Variants in SGCD observed in about 807,000 individuals in gnomAD.
SGCD encodes the protein sarcoglycan delta.
A neutral mutation model predicts 36.6 loss-of-function variants in SGCD; 18 were observed. The observed-to-expected ratio is 0.49, with a 90% CI of 0.34 to 0.73. The LOEUF (loss-of-function observed/expected upper bound fraction) is 0.73, where lower values mean the gene tolerates loss of function less well. Ranked by LOEUF, SGCD falls within the 30% of genes least tolerant of loss-of-function variation. SGCD has a pLI of 0.01. For synonymous variants in SGCD, 133 were observed against 130.6 expected (o/e 1.02, Z -0.12); for missense variants, 387 against 346.7 (o/e 1.12, Z -0.92).
chr5:156,436,714 A>C (rs551272879), intron 3 of SGCD, among the ~76,000 whole-genome samples: 1 of 152,324 alleles, frequency 6.6e-6, no homozygotes, highest in South Asian at 2.1e-4. Flanking sequence ...TTACCCTGTG[A>C]AGAAGCAAAG....
intron 1 of SGCD, among the ~76,000 whole-genome samples, chr5:155,964,315 C>T (rs922024135): frequency 2.6e-5 from 4 of 152,018 alleles, no homozygotes; most frequent in African/African-American, 7.2e-5. Flanking sequence ...TAACTATACT[C>T]TATATTGTAC....
chr5:156,060,724 G>C (rs1208332719), intron 1 of SGCD, among the ~76,000 whole-genome samples: 1 of 146,048 alleles, frequency 6.8e-6, no homozygotes, highest in Non-Finnish European at 1.5e-5. Flanking sequence ...ATGGCTGTTT[G>C]AATCTTAATA....
chr5:156,635,286 G>A (rs1225441443), intron 6 of SGCD, among the ~76,000 whole-genome samples: 2 of 152,110 alleles, frequency 1.3e-5, no homozygotes, highest in African/African-American at 4.8e-5. Context: ...ATGAAAAAAT[G>A]CACATGATCA....
the SGCD span, among the ~76,000 whole-genome samples, chr5:155,734,481 G>A: frequency 1.3e-4 from 19 of 151,960 alleles, no homozygotes; most frequent in African/African-American, 4.6e-4. Context: ...CAAAGTTTTG[G>A]GATTACAGGT....
chr5:155,804,068 A>G, the SGCD span, among the ~76,000 whole-genome samples: 1 of 152,214 alleles, frequency 6.6e-6, no homozygotes, highest in African/African-American at 2.4e-5. Flanking sequence ...GAGGATTAGA[A>G]ACTCAGGTAG....
intron 1 of SGCD, among the ~76,000 whole-genome samples, chr5:155,952,891 A>AT (rs1385604257): frequency 2.0e-5 from 3 of 152,228 alleles, no homozygotes; most frequent in Non-Finnish European, 2.9e-5. Flanking sequence ...TGGGGCTTTA[A>AT]TTAAATGATT....
At chr5:156,644,234 T>C (rs1210986823) in intron 6 of SGCD, among the ~76,000 whole-genome samples, 1 of 152,190 alleles carries the variant, frequency 6.6e-6, no homozygotes, top group African/African-American at 2.4e-5. Flanking sequence ...TCCTAGTAAT[T>C]TTTGTGTCTA....
At chr5:155,757,021 A>C in the SGCD span, among the ~76,000 whole-genome samples, 2 of 152,292 alleles carry the variant, frequency 1.3e-5, no homozygotes, top group Non-Finnish European at 2.9e-5. Context: ...ATACCAGTCT[A>C]TCAGCTTTGG....
At chr5:156,545,452 C>G (rs764246477) in intron 4 of SGCD, among the ~76,000 whole-genome samples, 1 of 150,758 alleles carries the variant, frequency 6.6e-6, no homozygotes, top group Non-Finnish European at 1.5e-5. Flanking sequence ...TTGTGGAAGA[C>G]AATTTTTTCA....
chr5:156,217,056 G>A (rs759266586), intron 3 of SGCD, among the ~76,000 whole-genome samples: 1 of 151,692 alleles, frequency 6.6e-6, no homozygotes, highest in African/African-American at 2.4e-5. Context: ...CCAGCCTGGG[G>A]GACAGAGTGA....
intron 6 of SGCD, among the ~76,000 whole-genome samples, chr5:156,609,329 G>T (rs1448135424): frequency 6.6e-6 from 1 of 152,100 alleles, no homozygotes; most frequent in Non-Finnish European, 1.5e-5. Context: ...GATATGAGAT[G>T]CTGGGTTGAA....
At chr5:155,800,621 C>T in the SGCD span, among the ~76,000 whole-genome samples, 1 of 151,868 alleles carries the variant, frequency 6.6e-6, no homozygotes, top group Non-Finnish European at 1.5e-5. Flanking sequence ...AGAGATTTTA[C>T]CGGAATGTGG....
intron 1 of SGCD, among the ~76,000 whole-genome samples, chr5:155,898,823 A>T (rs1308447399): frequency 6.6e-6 from 1 of 152,068 alleles, no homozygotes; most frequent in East Asian, 1.9e-4. Context: ...CTCTCTTAAC[A>T]CACTTCTCTC....
intron 3 of SGCD, among the ~76,000 whole-genome samples, chr5:156,316,554 A>G (rs1324798890): frequency 2.6e-5 from 4 of 152,086 alleles, no homozygotes; most frequent in African/African-American, 9.6e-5. Context: ...TTCAAATTAT[A>G]TTGTAAAGAT....
At chr5:156,558,329 A>G (rs1370043947) in intron 4 of SGCD, among the ~76,000 whole-genome samples, 1 of 151,710 alleles carries the variant, frequency 6.6e-6, no homozygotes, top group Non-Finnish European at 1.5e-5. Flanking sequence ...AAATTATATA[A>G]TCCATGCAAA....
intron 4 of SGCD, among the ~76,000 whole-genome samples, chr5:156,553,522 T>G (rs1471408528): frequency 6.6e-6 from 1 of 152,098 alleles, no homozygotes; most frequent in Admixed American, 6.6e-5. Context: ...GTTTTTCATA[T>G]ATTTTCTATT....
intron 1 of SGCD, among the ~76,000 whole-genome samples, chr5:156,089,279 C>A (rs1761180629): frequency 6.6e-6 from 1 of 152,236 alleles, no homozygotes; most frequent in Non-Finnish European, 1.5e-5. Flanking sequence ...CAGGCAAAAT[C>A]TTATCCCAAC....
chr5:156,269,175 C>T (rs1766084222), intron 3 of SGCD, among the ~76,000 whole-genome samples: 1 of 151,862 alleles, frequency 6.6e-6, no homozygotes, highest in African/African-American at 2.4e-5. Flanking sequence ...CTGAAAAACC[C>T]ATCAGATCTC....
rs111351543 is a variant in SGCD at position 156,564,860 on chromosome 5, T to C, written c.295-24371T>C. Among the ~76,000 whole-genome samples the C allele has an allele frequency of 3.4e-3, 523 of 152,362 alleles. 4 individuals are homozygous for C. Among genetic ancestry groups the C allele is most frequent in the African/African-American group, 0.012 (493 of 41,584 alleles). On this transcript the variant is annotated intron_variant, in intron 4 of 8. Coordinates refer to ENST00000337851, the MANE Select transcript of SGCD (RefSeq NM_000337.6). ...TTTTTAAGACTGAATAATATTCCTT[T>C]GTACATATACACCACATGTTGTTTA...
Sources: allele counts gnomAD v4.1 joint callset (sites outside exome capture counted in the v4.1 genomes callset), GRCh38; gene constraint gnomAD v4.1.1; transcripts MANE v1.5; gene names NCBI Gene and HGNC (gene_info 2026-07-23, HGNC 2026-07-21).